The following SAMSN1 variants were observed in gnomAD, a reference collection of about 807,000 sequenced individuals.
SAMSN1 encodes the protein SAM domain, SH3 domain and nuclear localization signals 1, also known as SAM domain-containing protein SAMSN-1.
SAMSN1 carries 31 observed loss-of-function variants against 42.0 expected under a neutral mutation model. That is an observed-to-expected ratio of 0.74 (90% CI 0.55 to 1.00). The LOEUF (loss-of-function observed/expected upper bound fraction) is 1.00. Among genes scored for constraint, SAMSN1 ranks in the 50% least tolerant of loss-of-function variants. The pLI, the probability that SAMSN1 is intolerant of heterozygous loss-of-function variation, is 0.00. For synonymous variants in SAMSN1, 178 were observed against 151.9 expected (o/e 1.17, Z -1.26); for missense variants, 464 against 439.4 (o/e 1.06, Z -0.50).
At chr21:14,509,497 T>C (rs141890034) in intron 5 of SAMSN1, among the ~76,000 whole-genome samples, 162 of 152,172 alleles carry the variant, frequency 1.1e-3, no homozygotes, top group African/African-American at 3.8e-3. Flanking sequence ...CTAAAGAACT[T>C]ACCCATGTAA....
intron 1 of SAMSN1, among the ~76,000 whole-genome samples, chr21:14,645,454 G>A (rs1983695534): frequency 6.6e-6 from 1 of 152,234 alleles, no homozygotes; most frequent in Non-Finnish European, 1.5e-5. Context: ...CAGTGCTACT[G>A]GGCTTGGGAT....
At chr21:14,593,776 A>C (rs980825480) in intron 7 of SAMSN1, 6 of 318,314 alleles carry the variant, frequency 1.9e-5, no homozygotes, top group African/African-American at 1.1e-4. Context: ...ATTTTAGGGA[A>C]AATTTTTTAT....
chr21:14,525,109 T>G (rs995762945), intron 1 of SAMSN1, among the ~76,000 whole-genome samples: 8 of 152,208 alleles, frequency 5.3e-5, no homozygotes, highest in Non-Finnish European at 1.2e-4. Flanking sequence ...TTAAAAATGA[T>G]GAAATAATAA....
chr21:14,634,045 A>C (rs994913495), intron 2 of SAMSN1, among the ~76,000 whole-genome samples: 2 of 152,136 alleles, frequency 1.3e-5, no homozygotes, highest in Non-Finnish European at 2.9e-5. Flanking sequence ...TTTTTAAAAT[A>C]TTTAATTTTA....
chr21:14,567,746 A>G (rs963146406), intron 2 of SAMSN1, among the ~76,000 whole-genome samples: 1 of 151,682 alleles, frequency 6.6e-6, no homozygotes, highest in Non-Finnish European at 1.5e-5. Context: ...AATGGGACTA[A>G]GAAGACCTTG....
chr21:14,624,063 G>T (rs1983095817), intron 2 of SAMSN1, among the ~76,000 whole-genome samples: 2 of 152,158 alleles, frequency 1.3e-5, no homozygotes, highest in Admixed American at 6.5e-5. Context: ...AAAGAAAGAT[G>T]TTCTTTGAAA....
intron 7 of SAMSN1, among the ~76,000 whole-genome samples, chr21:14,495,435 C>A (rs1368215085): frequency 2.0e-5 from 3 of 152,174 alleles, no homozygotes; most frequent in Non-Finnish European, 4.4e-5. Flanking sequence ...GCCTAACCTG[C>A]AATATGCATC....
At chr21:14,621,433 G>T (rs891840547) in intron 2 of SAMSN1, among the ~76,000 whole-genome samples, 1 of 152,132 alleles carries the variant, frequency 6.6e-6, no homozygotes, top group African/African-American at 2.4e-5. Context: ...GGAAAATCGG[G>T]TCACTCCCAC....
At chr21:14,516,741 ACTTC>A in intron 3 of SAMSN1, 147 bp downstream of exon 3, 1 of 605,704 alleles carries the variant, frequency 1.7e-6, no homozygotes. Flanking sequence ...TGAAAGTAAT[ACTTC>A]CTTCCACCCA....
chr21:14,655,248 G>A (rs189807148), intron 1 of SAMSN1, among the ~76,000 whole-genome samples: 160 of 151,778 alleles, frequency 1.1e-3, no homozygotes, highest in African/African-American at 3.6e-3. Context: ...AAAATGCTGA[G>A]TTCACTTAGG....
rs185969451 is a variant in SAMSN1, at chr21:14,508,993, T to A, written c.561+1317A>T. ...AAATACAAAAATTAGCTGGGTGCGG[T>A]GGCCTCCAGCTAGTCGGGAGGCTGA... is the stretch of plus-strand genomic sequence containing the variant. On this transcript the variant is annotated intron_variant, in intron 5 of 7. Coordinates refer to ENST00000400566, the MANE Select transcript of SAMSN1 (RefSeq NM_022136.5). Among the ~76,000 whole-genome samples, 30 of 151,968 alleles carry A rather than the reference T, an allele frequency of 2.0e-4. No individual in the cohort carries two copies. In the East Asian group the frequency reaches 5.6e-3, roughly 28 times the overall value.
chr21:14,567,900 A>G (rs1432402159), intron 2 of SAMSN1, among the ~76,000 whole-genome samples: 2 of 152,150 alleles, frequency 1.3e-5, no homozygotes, highest in African/African-American at 2.4e-5. Flanking sequence ...TTGTGAAAAT[A>G]ATATACATAT....
In SAMSN1 at chr21:14,582,498, A is replaced by G. The variant is rs1349943133; in HGVS notation, c.-92-10T>C. 7 of 934,630 alleles carry G rather than the reference A, an allele frequency of 7.5e-6. No individual in the cohort carries two copies. In the Admixed American group the frequency reaches 1.7e-4, roughly 22 times the overall value. 57.9% of individuals were successfully genotyped at this position (934,630 alleles called of 1,614,324 possible). ...GTGTCATCTTCATCTTCTGAATGAC[A>G]AAGAAATAGGTTAAAAACTATGATT... On this transcript the variant is annotated splice_polypyrimidine_tract_variant and intron_variant, in intron 1 of 8. Transcript: ENST00000285670.
chr21:14,498,953 C>T (rs528745830), intron 6 of SAMSN1, among the ~76,000 whole-genome samples: 2 of 152,288 alleles, frequency 1.3e-5, no homozygotes, highest in African/African-American at 4.8e-5. Flanking sequence ...CAATAAAATG[C>T]CTCTAGCAGA....
intron 1 of SAMSN1, among the ~76,000 whole-genome samples, chr21:14,545,965 C>G (rs1437643977): frequency 6.6e-6 from 1 of 152,178 alleles, no homozygotes; most frequent in Non-Finnish European, 1.5e-5. Flanking sequence ...TCAAACTTCA[C>G]TTACAGATGT....
chr21:14,601,330 AG>A (rs1435174724), intron 6 of SAMSN1, among the ~76,000 whole-genome samples: 2 of 152,184 alleles, frequency 1.3e-5, no homozygotes, highest in African/African-American at 2.4e-5. Flanking sequence ...CTCAGGAATC[AG>A]GCTGGATTTA....
chr21:14,622,921 C>T (rs1302447587), intron 2 of SAMSN1, among the ~76,000 whole-genome samples: 3 of 152,232 alleles, frequency 2.0e-5, no homozygotes, highest in Non-Finnish European at 1.5e-5. Context: ...CAGCGGACCT[C>T]TCAGCAGAAA....
chr21:14,552,350 C>A (rs1980626334), intron 2 of SAMSN1, among the ~76,000 whole-genome samples: 1 of 151,986 alleles, frequency 6.6e-6, no homozygotes, highest in African/African-American at 2.4e-5. Context: ...TTTGTGTGGT[C>A]CCAAAATTCA....
chr21:14,656,137 A>G (rs1215065508), intron 1 of SAMSN1, among the ~76,000 whole-genome samples: 1 of 151,810 alleles, frequency 6.6e-6, no homozygotes, highest in African/African-American at 2.4e-5. Flanking sequence ...AATTTCCCCT[A>G]AAAATGGTGT....
Sources: allele counts gnomAD v4.1 joint callset (sites outside exome capture counted in the v4.1 genomes callset), GRCh38; gene constraint gnomAD v4.1.1; transcripts MANE v1.5; gene names NCBI Gene and HGNC (gene_info 2026-07-23, HGNC 2026-07-21).